FAM171A1: variants seen among roughly 807,000 people sequenced by gnomAD.
FAM171A1 encodes the protein protein FAM171A1.
Under a neutral mutation model 74.9 loss-of-function variants are expected in FAM171A1, and 23 were observed. The ratio of observed to expected loss-of-function variants is 0.31; its 90% confidence interval spans 0.22 to 0.44. The LOEUF is 0.44. Ranked by LOEUF, FAM171A1 falls within the 20% of genes least tolerant of loss-of-function variation. The pLI, the probability that FAM171A1 is intolerant of heterozygous loss-of-function variation, is 1.00. For missense variants in FAM171A1, 1,162 were observed against 1,159.2 expected (o/e 1.00, Z -0.03); for synonymous variants, 527 against 505.7 (o/e 1.04, Z -0.57).
intron 5 of FAM171A1, among the ~76,000 whole-genome samples, chr10:15,244,304 G>C (rs1230916308): frequency 6.6e-6 from 1 of 152,206 alleles, no homozygotes; most frequent in Non-Finnish European, 1.5e-5. Flanking sequence ...GTAGTGAGCT[G>C]AGATCTTGCC....
chr10:15,342,546 C>T (rs553623160), intron 1 of FAM171A1, among the ~76,000 whole-genome samples: 94 of 152,120 alleles, frequency 6.2e-4, no homozygotes, highest in African/African-American at 2.0e-3. Context: ...CCAGCCTGGG[C>T]GACAGAGCGA....
intron 3 of FAM171A1, among the ~76,000 whole-genome samples, chr10:15,272,658 CA>C: frequency 6.6e-6 from 1 of 152,276 alleles, no homozygotes; most frequent in East Asian, 1.9e-4. Flanking sequence ...CACTCCTCAG[CA>C]AATGTAAAAG....
At chr10:15,262,494 A>G (rs1017622722) in intron 3 of FAM171A1, among the ~76,000 whole-genome samples, 4 of 152,158 alleles carry the variant, frequency 2.6e-5, no homozygotes, top group Admixed American at 6.5e-5. Context: ...AGAACCGGGT[A>G]GGGTGGTGAA....
At chr10:15,259,092 C>A (rs1834623073) in intron 3 of FAM171A1, among the ~76,000 whole-genome samples, 1 of 152,186 alleles carries the variant, frequency 6.6e-6, no homozygotes, top group Non-Finnish European at 1.5e-5. Context: ...CTCCCCAACA[C>A]CCAGTTTTGA....
At chr10:15,231,398 T>C (rs1385858408) in intron 5 of FAM171A1, among the ~76,000 whole-genome samples, 1 of 152,060 alleles carries the variant, frequency 6.6e-6, no homozygotes, top group African/African-American at 2.4e-5. Context: ...AGATGGGGTC[T>C]TGCTATGTTA....
In FAM171A1 at chr10:15,213,355, C is replaced by A; in HGVS notation, c.2233G>T (p.Asp745Tyr). 1 of 1,614,164 alleles carries A rather than the reference C, an allele frequency of 6.2e-7. No individual in the cohort carries two copies. Among genetic ancestry groups the A allele is most frequent in the Non-Finnish European group, 8.5e-7 (1 of 1,180,036 alleles). The change falls in exon 8 of 8, where the codon GAT (aspartate) becomes TAT (tyrosine). Residue 745 changes from aspartate (D) to tyrosine (Y), a missense_variant. By Grantham distance (160) the Asp-to-Tyr change is radical (BLOSUM62 -3). Transcript: ENST00000378116. This position sits in a 1 kb window ranked among gnomAD's most constrained non-coding sequence, Gnocchi z 6.8. Reference sequence around the variant, plus strand: ...CGGGCTGATTTTGGTTCATTCATATCTACGCCAGAGTCCAAACTGGCATCA... The same window carrying A: ...CGGGCTGATTTTGGTTCATTCATATATACGCCAGAGTCCAAACTGGCATCA... ...SNDASLDSGV[D>Y]MNEPKSARKG...
At chr10:15,267,216 G>A (rs1391984234) in intron 3 of FAM171A1, among the ~76,000 whole-genome samples, 1 of 152,230 alleles carries the variant, frequency 6.6e-6, no homozygotes, top group East Asian at 1.9e-4. Flanking sequence ...GGGCACGCAT[G>A]GGCAGGGGGA....
intron 1 of FAM171A1, among the ~76,000 whole-genome samples, chr10:15,340,345 G>A (rs1435668541): frequency 6.6e-6 from 1 of 152,196 alleles, no homozygotes; most frequent in African/African-American, 2.4e-5. Context: ...CTGTTGATGG[G>A]ATGCAGGAGA....
chr10:15,266,719 A>C (rs1267636668), intron 3 of FAM171A1, among the ~76,000 whole-genome samples: 3 of 151,794 alleles, frequency 2.0e-5, no homozygotes, highest in African/African-American at 7.3e-5. Flanking sequence ...ATAAAAATAA[A>C]TCATTTGGGC....
chr10:15,324,078 C>G (rs767313852), intron 1 of FAM171A1, among the ~76,000 whole-genome samples: 2 of 152,158 alleles, frequency 1.3e-5, no homozygotes, highest in African/African-American at 4.8e-5. Context: ...AAATAGTTGG[C>G]AAGCAAAGTG....
intron 1 of FAM171A1, among the ~76,000 whole-genome samples, chr10:15,326,487 G>A (rs1406985603): frequency 6.6e-6 from 1 of 151,830 alleles, no homozygotes; most frequent in African/African-American, 2.4e-5. Context: ...GCTAATTTCT[G>A]TATTTTTAGT....
intron 7 of FAM171A1, among the ~76,000 whole-genome samples, chr10:15,214,877 C>G (rs898250802): frequency 7.2e-5 from 11 of 151,950 alleles, no homozygotes; most frequent in African/African-American, 2.4e-4. Context: ...CCTCCCACCT[C>G]AGCCTCCCGA....
intron 1 of FAM171A1, among the ~76,000 whole-genome samples, chr10:15,301,766 C>T (rs1322446877): frequency 6.6e-6 from 1 of 152,184 alleles, no homozygotes; most frequent in Non-Finnish European, 1.5e-5. Flanking sequence ...ATAAACATCC[C>T]TTATCTCTGA....
In FAM171A1 at chr10:15,214,244, A is replaced by G. The variant is rs1299381981; in HGVS notation, c.1344T>C (p.Thr448=). ...AGTCTTTCCCCAGCGTCCCACTTGG[A>G]GTGAGGTTATCAAAGGAGATCTGGC... ...DKSQISFDNL[T]PSGTLGKDYH... Residue 448 remains threonine (T), a synonymous_variant, in exon 8 of 8, where the codon ACT becomes ACC. Coordinates refer to ENST00000378116, the MANE Select transcript of FAM171A1 (RefSeq NM_001010924.2). 1.9e-6 allele frequency: 3 copies of G among 1,614,064 alleles called. No homozygotes were observed. The highest frequency in any genetic ancestry group is 1.7e-5 in the Admixed American group (1 of 60,010).
rs564429349 is a variant in FAM171A1, at chr10:15,313,033, T to A, written c.98-28928A>T. On this transcript the variant is annotated intron_variant, in intron 1 of 7. Coordinates refer to ENST00000378116, the MANE Select transcript of FAM171A1 (RefSeq NM_001010924.2). ...TTCTCTACTTTTGAGCGAGATGTTC[T>A]TGATGAAGCAAGCAGACCCCTGATT... Among the ~76,000 whole-genome samples, 62 of 152,258 alleles carry A rather than the reference T, an allele frequency of 4.1e-4. No homozygotes were observed. The East Asian group carries it at 9.7e-3, about 24-fold the overall frequency.
chr10:15,256,717 C>T (rs1208921114), intron 3 of FAM171A1, among the ~76,000 whole-genome samples: 2 of 152,110 alleles, frequency 1.3e-5, no homozygotes, highest in African/African-American at 2.4e-5. Flanking sequence ...TACAGAATAC[C>T]GATGTCTTAC....
At chr10:15,320,710 A>T (rs1019697438) in intron 1 of FAM171A1, among the ~76,000 whole-genome samples, 8 of 152,148 alleles carry the variant, frequency 5.3e-5, no homozygotes, top group Non-Finnish European at 8.8e-5. Flanking sequence ...GCATTTCTCT[A>T]ATGATAAGCA....
chr10:15,312,671 GTGTTTTT>G (rs1835374541), intron 1 of FAM171A1, among the ~76,000 whole-genome samples: 2 of 51,882 alleles, frequency 3.9e-5, no homozygotes, highest in African/African-American at 1.5e-4. Context: ...TCAGCACTGT[GTGTTTTT>G]TTTTTTTTTT....
Position 15,371,102 on chromosome 10 carries a change from C to A in FAM171A1, c.-50G>T, listed in dbSNP as rs1332063899. On this transcript the variant is annotated 5_prime_UTR_variant, in exon 1 of 8. Coordinates refer to ENST00000378116, the MANE Select transcript of FAM171A1 (RefSeq NM_001010924.2). ...TCGGGCTCGCCGAGAGCGGGCCGGG[C>A]GGCGGCGCGTCACGGGCGGCCGGGC... 2 of 872,706 alleles carry A rather than the reference C, an allele frequency of 2.3e-6. No homozygotes were observed. The highest frequency in any genetic ancestry group is 2.7e-6 in the Non-Finnish European group (2 of 729,472). The allele number at this position is 872,706 out of a possible 1,614,324, so 54.1% of individuals were successfully genotyped here.
Sources: allele counts gnomAD v4.1 joint callset (sites outside exome capture counted in the v4.1 genomes callset), GRCh38; gene constraint gnomAD v4.1.1; non-coding constraint Gnocchi (gnomAD v3.1); transcripts MANE v1.5; gene names NCBI Gene and HGNC (gene_info 2026-07-23, HGNC 2026-07-21).